Variants in ANXA8 observed in about 807,000 individuals in gnomAD.
ANXA8 encodes the protein VAC-beta.
A neutral mutation model predicts 26.8 loss-of-function variants in ANXA8; 9 were observed. The ratio of observed to expected loss-of-function variants is 0.34; its 90% confidence interval spans 0.20 to 0.59. ANXA8 has a LOEUF of 0.59. ANXA8 is among the 20% of genes least tolerant of loss of function. ANXA8 has a pLI of 0.84. For synonymous variants in ANXA8, 39 were observed against 94.8 expected (o/e 0.41, Z 3.42); for missense variants, 83 against 238.5 (o/e 0.35, Z 4.29).
chr10:47,523,551 AC>A, the ANXA8 span: 3 of 1,488,242 alleles, frequency 2.0e-6, no homozygotes, highest in Admixed American at 6.2e-5. Context: ...GTCTGCCACC[AC>A]CTGTGCCTCT....
At chr10:47,571,356 A>C in the ANXA8 span, among the ~76,000 whole-genome samples, 1 of 146,192 alleles carries the variant, frequency 6.8e-6, no homozygotes, top group Non-Finnish European at 1.5e-5. Context: ...GATGCAGCTA[A>C]ATTGACGTCT....
At chr10:47,966,036 G>C in the ANXA8 span, among the ~76,000 whole-genome samples, 2,725 of 139,360 alleles carry the variant, frequency 0.02, no homozygotes, top group African/African-American at 0.066. Context: ...TGTGGGAGGA[G>C]GGCAAAGGGG....
upstream of ANXA8, among the ~76,000 whole-genome samples, chr10:47,485,046 A>G (rs1840008358): frequency 2.0e-5 from 3 of 149,916 alleles, no homozygotes; most frequent in African/African-American, 4.9e-5. Flanking sequence ...TGTATATGCA[A>G]TATTTGTTAA....
At chr10:47,589,127 G>C in the ANXA8 span, 1 of 146,448 alleles carries the variant, frequency 6.8e-6, no homozygotes, top group East Asian at 1.9e-4. Flanking sequence ...GCTTACTTTC[G>C]TACTTCCCAA....
the ANXA8 span, chr10:47,761,572 ACAGCAGCTTGCCCCGATCAACAGCAG>A: frequency 7.9e-7 from 1 of 1,262,576 alleles, no homozygotes; most frequent in Non-Finnish European, 1.1e-6. Context: ...TTCTCCACAG[ACAGCAGCTTGCCCCGATCAACAGCAG>A]CAGCAGCAGC....
At chr10:47,955,762 C>G in the ANXA8 span, among the ~76,000 whole-genome samples, 2 of 141,456 alleles carry the variant, frequency 1.4e-5, no homozygotes, top group Admixed American at 1.4e-4. Context: ...TTTATAAACA[C>G]TATAAACTTA....
chr10:47,670,733 AGTTCT>A, the ANXA8 span, among the ~76,000 whole-genome samples: 8 of 151,616 alleles, frequency 5.3e-5, no homozygotes, highest in Admixed American at 2.6e-4. Flanking sequence ...GAGTTGTAAG[AGTTCT>A]TTATACATTC....
chr10:47,952,724 T>G, the ANXA8 span, among the ~76,000 whole-genome samples: 1 of 147,696 alleles, frequency 6.8e-6, no homozygotes, highest in African/African-American at 2.6e-5. Context: ...AGGACTTATC[T>G]ACTTTATTTC....
At chr10:47,687,153 C>T in the ANXA8 span, among the ~76,000 whole-genome samples, 2 of 149,934 alleles carry the variant, frequency 1.3e-5, no homozygotes, top group Non-Finnish European at 3.0e-5. Context: ...AGATTTGAAG[C>T]TAAAGGGAAG....
chr10:47,723,756 C>T, the ANXA8 span, among the ~76,000 whole-genome samples: 1 of 123,102 alleles, frequency 8.1e-6, no homozygotes, highest in African/African-American at 2.9e-5. Flanking sequence ...TGATTTTCTC[C>T]TCCAGGCTCC....
chr10:47,958,145 A>G, the ANXA8 span, among the ~76,000 whole-genome samples: 4 of 150,144 alleles, frequency 2.7e-5, no homozygotes, highest in Admixed American at 6.6e-5. Flanking sequence ...CTGTCCCTCC[A>G]TTCGCCTGCA....
At chr10:47,714,350 C>A in the ANXA8 span, among the ~76,000 whole-genome samples, 1 of 147,868 alleles carries the variant, frequency 6.8e-6, no homozygotes, top group Middle Eastern at 3.4e-3. Context: ...AAAAAAAAAT[C>A]TTTAGTGAAA....
chr10:47,991,026 C>A, the ANXA8 span, among the ~76,000 whole-genome samples: 1 of 131,678 alleles, frequency 7.6e-6, no homozygotes, highest in Non-Finnish European at 1.7e-5. Flanking sequence ...CATCATTGAT[C>A]CCTGAGGTGA....
chr10:47,671,658 A>G, the ANXA8 span, among the ~76,000 whole-genome samples: 1 of 151,630 alleles, frequency 6.6e-6, no homozygotes, highest in Non-Finnish European at 1.5e-5. Flanking sequence ...TGGTCCCTAA[A>G]ACCTTAGATG....
the ANXA8 span, among the ~76,000 whole-genome samples, chr10:47,687,307 G>T: frequency 6.7e-6 from 1 of 149,758 alleles, no homozygotes; most frequent in Non-Finnish European, 1.5e-5. Flanking sequence ...CTGTCACCCA[G>T]GCTGGAGTGC....
chr10:47,488,831 C>T (rs1293710783), upstream of ANXA8, among the ~76,000 whole-genome samples: 3 of 142,466 alleles, frequency 2.1e-5, no homozygotes, highest in Non-Finnish European at 4.5e-5. Flanking sequence ...AGGTTCACGC[C>T]ATTCTCCTGC....
the ANXA8 span, among the ~76,000 whole-genome samples, chr10:47,640,172 A>T: frequency 1.5e-5 from 2 of 134,920 alleles, no homozygotes; most frequent in African/African-American, 3.3e-5. Flanking sequence ...AGTTTGACAT[A>T]TAAGGTGGTA....
chr10:47,669,507 C>G, the ANXA8 span, among the ~76,000 whole-genome samples: 1 of 150,744 alleles, frequency 6.6e-6, no homozygotes, highest in Non-Finnish European at 1.5e-5. Flanking sequence ...CTCCTTGCAT[C>G]TGGGAGTTTG....
chr10:47,648,084 T>C, the ANXA8 span, among the ~76,000 whole-genome samples: 1 of 151,886 alleles, frequency 6.6e-6, no homozygotes, highest in South Asian at 2.1e-4. Context: ...AGAGGCACTT[T>C]CTGGGGCTCT....
Sources: allele counts gnomAD v4.1 joint callset (sites outside exome capture counted in the v4.1 genomes callset), GRCh38; gene constraint gnomAD v4.1.1; transcripts MANE v1.5; gene names NCBI Gene and HGNC (gene_info 2026-07-23, HGNC 2026-07-21).